Variants in PITPNA observed in about 807,000 individuals in gnomAD.
PITPNA encodes the protein phosphatidylinositol transfer protein alpha, also known as phosphatidylinositol transfer protein alpha isoform.
PITPNA carries 13 observed loss-of-function variants against 50.3 expected under a neutral mutation model. The ratio of observed to expected loss-of-function variants is 0.26; its 90% CI spans 0.17 to 0.41. The LOEUF (loss-of-function observed/expected upper bound fraction) is 0.41, where lower values mean the gene tolerates loss of function less well. PITPNA is among the 10% of genes least tolerant of loss of function. The pLI, the probability that PITPNA is intolerant of heterozygous loss-of-function variation, is 1.00. For missense variants in PITPNA, 207 were observed against 333.4 expected (o/e 0.62, Z 2.95); for synonymous variants, 120 against 119.6 (o/e 1.00, Z -0.02).
chr17:1,548,109 G>C (rs185784918), intron 4 of PITPNA, among the ~76,000 whole-genome samples, 187 bp downstream of exon 4: 125 of 152,338 alleles, frequency 8.2e-4, no homozygotes, highest in Non-Finnish European at 8.7e-4. Flanking sequence ...TGTGCTCTCA[G>C]GCCGTGACGA....
chr17:1,532,875 A>G (rs2075592967), intron 10 of PITPNA, among the ~76,000 whole-genome samples: 1 of 152,244 alleles, frequency 6.6e-6, no homozygotes, highest in South Asian at 2.1e-4. Flanking sequence ...AGAGGAACCA[A>G]CTCAGTGCAC....
In PITPNA at chr17:1,535,175, T is replaced by C. The variant is rs2075608313; in HGVS notation, c.645+7A>G. ...GTCACTGGGAAGGCCTCAGCCGAGC[T>C]ACTTACCTTATGGATGAAGTTCTCC... On this transcript the variant is annotated splice_region_variant and intron_variant, in intron 9 of 11. Transcript: ENST00000313486. 1.3e-6 allele frequency: 2 copies of C among 1,579,308 alleles called. No individual in the cohort carries two copies. The highest frequency in any genetic ancestry group is 1.7e-6 in the Non-Finnish European group (2 of 1,148,320).
At chr17:1,537,831 C>T (rs1453571880) in intron 7 of PITPNA, among the ~76,000 whole-genome samples, 1 of 152,064 alleles carries the variant, frequency 6.6e-6, no homozygotes, top group Non-Finnish European at 1.5e-5. Context: ...GATGGAGTCT[C>T]GCTGTGTCGC....
Position 1,535,166 on chromosome 17 carries a change from C to G in PITPNA, c.645+16G>C. 1.3e-6 allele frequency: 2 copies of G among 1,529,164 alleles called. No individual in the cohort carries two copies. The highest frequency in any genetic ancestry group is 1.8e-6 in the Non-Finnish European group (2 of 1,103,066). 94.7% of individuals were successfully genotyped at this position (1,529,164 alleles called of 1,614,324 possible). A position where few individuals can be genotyped will look rare whatever the true frequency, so the allele number is the denominator to read the frequency against. On this transcript the variant is annotated intron_variant, in intron 9 of 11. Transcript: ENST00000313486. ...ACACACGCAGTCACTGGGAAGGCCTCAGCCGAGCTACTTACCTTATGGATG... is the reference window on the plus strand; with the variant it reads ...ACACACGCAGTCACTGGGAAGGCCTGAGCCGAGCTACTTACCTTATGGATG...
At chr17:1,548,254 T>C in intron 4 of PITPNA, 42 bp downstream of exon 4, 1 of 1,356,264 alleles carries the variant, frequency 7.4e-7, no homozygotes. Context: ...ACAGCTCTGC[T>C]GCCCGCCCCT....
At chr17:1,535,031 T>C (rs2075607034) in intron 9 of PITPNA, 151 bp downstream of exon 9, 1 of 627,312 alleles carries the variant, frequency 1.6e-6, no homozygotes, top group African/African-American at 1.8e-5. Flanking sequence ...ACTTACCTTA[T>C]GGATGAAGTT....
rs1344475274 is a variant in PITPNA, at chr17:1,521,612, C to T, written c.802G>A (p.Ala268Thr). ...RQKDPVKGMT[A>T]DD ...GGGGAAAGGCGGCTTTAGTCATCTG[C>T]TGTCATTCCTTTCACTGGGTCCTTT... Residue 268 changes from alanine (A) to threonine (T), a missense_variant, in exon 11 of 12, where the codon GCA (alanine) becomes ACA (threonine). Transcript: ENST00000313486. The T allele has an allele frequency of 1.2e-6, 2 of 1,613,450 alleles. No individual in the cohort carries two copies. Among genetic ancestry groups the T allele is most frequent in the African/African-American group, 1.3e-5 (1 of 75,032 alleles).
intron 10 of PITPNA, among the ~76,000 whole-genome samples, chr17:1,524,268 T>C (rs1417492705): frequency 1.4e-5 from 2 of 147,260 alleles, no homozygotes; most frequent in African/African-American, 2.5e-5. Context: ...ATGGTCTCCA[T>C]GTCCTGACCT....
Position 1,562,767 on chromosome 17 carries a change from G to T in PITPNA, c.-207C>A, listed in dbSNP as rs546047485. 1.2e-5 allele frequency: 2 copies of T among 164,140 alleles called. No individual in the cohort carries two copies. Among genetic ancestry groups the T allele is most frequent in the South Asian group, 3.6e-4 (2 of 5,552 alleles). 10.2% of individuals were successfully genotyped at this position (164,140 alleles called of 1,614,324 possible). A position where few individuals can be genotyped will look rare whatever the true frequency, so the allele number is the denominator to read the frequency against. ...TCTCGCGCCGCTGCCGACGCCGCCC[G>T]GAGCTCCGGTTCCGCAGCGCCGCGC... On this transcript the variant is annotated 5_prime_UTR_variant, in exon 1 of 12. Transcript: ENST00000313486. This position sits in a 1 kb window ranked among gnomAD's most constrained non-coding sequence, Gnocchi z 6.4.
At chr17:1,548,537 G>C in intron 3 of PITPNA, 150 bp from the exon 4 acceptor site, 1 of 582,850 alleles carries the variant, frequency 1.7e-6, no homozygotes. Flanking sequence ...TTACGTATGA[G>C]AGCCTGACAC....
At chr17:1,538,831 C>CATTGAGAA (rs768752656) in intron 7 of PITPNA, 38 bp downstream of exon 7, 2 of 1,313,458 alleles carry the variant, frequency 1.5e-6, no homozygotes, top group Non-Finnish European at 2.2e-6. Flanking sequence ...GTCATTTCTG[C>CATTGAGAA]GTCTCGAAGG....
rs1471955504 is a variant in PITPNA at position 1,518,367 on chromosome 17, C to T, written c.*2194G>A. On this transcript the variant is annotated 3_prime_UTR_variant, in exon 12 of 12. Coordinates refer to ENST00000313486, the MANE Select transcript of PITPNA (RefSeq NM_006224.4). ...ACACACTCAGGTACTACCCCTGGAG[C>T]TGAACCTTTATCATAAGTCCCTCTG... 1 of 152,656 alleles carries T rather than the reference C, an allele frequency of 6.6e-6. No homozygotes were observed. Among genetic ancestry groups the T allele is most frequent in the Non-Finnish European group, 1.5e-5 (1 of 68,062 alleles). 9.5% of individuals were successfully genotyped at this position (152,656 alleles called of 1,614,324 possible).
chr17:1,556,558 C>G lies in PITPNA; in HGVS notation c.51+1971G>C, dbSNP rs141904121. ...GCCCTCCTTGGTCTGCAGCACTTCTCAGAGACACTCTCGCCCTTCGTTCCA... is the reference window on the plus strand; with the variant it reads ...GCCCTCCTTGGTCTGCAGCACTTCTGAGAGACACTCTCGCCCTTCGTTCCA... On this transcript the variant is annotated intron_variant, in intron 2 of 11. Transcript: ENST00000313486. Among the ~76,000 whole-genome samples the G allele has an allele frequency of 3.4e-3, 516 of 152,280 alleles. 3 individuals are homozygous for G. Among genetic ancestry groups the G allele is most frequent in the Non-Finnish European group, 5.9e-3 (398 of 68,012 alleles).
chr17:1,552,704 G>A (rs1214908037), intron 3 of PITPNA, among the ~76,000 whole-genome samples: 3 of 152,106 alleles, frequency 2.0e-5, no homozygotes, highest in African/African-American at 7.2e-5. Flanking sequence ...AAGACAGGAG[G>A]GTTCAACAAC....
At position 1,539,258 on chromosome 17, in the gene PITPNA, C is replaced by CCTCA. The variant is rs2075635259; in HGVS notation, c.373-310_373-307dup. ...CCTCAGGCTCCTAGTGATCCTCCTG[C>CCTCA]CTCAGCCTCCTGCCTGGGACCGAGG... On this transcript the variant is annotated intron_variant, in intron 6 of 11. Coordinates refer to ENST00000313486, the MANE Select transcript of PITPNA (RefSeq NM_006224.4). Among the ~76,000 whole-genome samples the CCTCA allele has an allele frequency of 3.3e-5, 5 of 151,730 alleles. No individual in the cohort carries two copies. The South Asian group carries it at 1.0e-3, about 32-fold the overall frequency.
chr17:1,551,885 G>A (rs1427746354), intron 3 of PITPNA, among the ~76,000 whole-genome samples: 2 of 148,548 alleles, frequency 1.3e-5, no homozygotes, highest in East Asian at 2.0e-4. Flanking sequence ...ACTGGGTGAC[G>A]GTGAGGAGAC....
At chr17:1,553,826 C>T (rs2151013424) in intron 2 of PITPNA, among the ~76,000 whole-genome samples, 1 of 152,330 alleles carries the variant, frequency 6.6e-6, no homozygotes, top group Admixed American at 6.5e-5. Flanking sequence ...GGCCTCTCCT[C>T]ACCCCGCAAG....
intron 2 of PITPNA, among the ~76,000 whole-genome samples, chr17:1,557,162 C>T (rs927752920): frequency 1.3e-5 from 2 of 152,056 alleles, no homozygotes; most frequent in African/African-American, 4.8e-5. Context: ...TCCCAGAACC[C>T]CAAGATCACG....
At chr17:1,558,718 G>A (rs75803044) in intron 1 of PITPNA, among the ~76,000 whole-genome samples, 159 bp from the exon 2 acceptor site, 9,870 of 147,398 alleles carry the variant, frequency 0.067, 490 homozygotes, top group African/African-American at 0.13. Context: ...GTGCTCTGAG[G>A]ACAGGACCCT....
Sources: allele counts gnomAD v4.1 joint callset (sites outside exome capture counted in the v4.1 genomes callset), GRCh38; gene constraint gnomAD v4.1.1; non-coding constraint Gnocchi (gnomAD v3.1); transcripts MANE v1.5; gene names NCBI Gene and HGNC (gene_info 2026-07-23, HGNC 2026-07-21).